Variants in ACSM3 observed in about 807,000 individuals in gnomAD.
The protein encoded by ACSM3 is acyl-coenzyme A synthetase ACSM3, mitochondrial.
Under a neutral mutation model 74.1 loss-of-function variants are expected in ACSM3, and 61 were observed. That is an observed-to-expected ratio of 0.82 (90% confidence interval 0.67 to 1.02). The LOEUF (loss-of-function observed/expected upper bound fraction) is 1.02, where lower values mean the gene tolerates loss of function less well. ACSM3 is among the 50% of genes least tolerant of loss of function. The pLI is 0.00. For missense variants in ACSM3, 660 were observed against 697.0 expected, an observed-to-expected ratio of 0.95 and a Z score of 0.60; for synonymous variants, 213 against 241.5, an observed-to-expected ratio of 0.88 and a Z score of 1.09.
In ACSM3 at chr16:20,785,066, A is replaced by G; in HGVS notation, c.1102A>G (p.Thr368Ala). ...PDVTEKWRNK[T>A]GLDIYEGYGQ... ...CGTGACTGAAAAATGGAGAAACAAG[A>G]CGGGCCTGGATATCTACGAAGGATA... The change falls in exon 8 of 14, where the codon ACG becomes GCG. Residue 368 changes from threonine to alanine, a missense_variant. Thr to Ala is a moderately conservative substitution (Grantham distance 58, BLOSUM62 0). Transcript: ENST00000289416. The G allele has an allele frequency of 1.9e-6, 3 of 1,613,690 alleles. No individual in the cohort carries two copies. In the South Asian group the frequency reaches 3.3e-5, roughly 18 times the overall value.
chr16:20,738,082 A>C (rs1023686087), intron 1 of ACSM3: 3 of 877,336 alleles, frequency 3.4e-6, no homozygotes, highest in Non-Finnish European at 3.6e-6. Flanking sequence ...TTTTAAATGA[A>C]TCTACCTAGT....
chr16:20,675,125 G>T (rs1032980152), intron 1 of ACSM3, among the ~76,000 whole-genome samples: 3 of 152,156 alleles, frequency 2.0e-5, no homozygotes, highest in African/African-American at 7.2e-5. Flanking sequence ...CACCAGAGAG[G>T]TTCGTTTCCT....
chr16:20,756,775 G>A (rs1446728561), intron 3 of ACSM3, among the ~76,000 whole-genome samples: 4 of 152,154 alleles, frequency 2.6e-5, no homozygotes, highest in East Asian at 1.9e-4. Flanking sequence ...TAGGTCTAAC[G>A]TTTAAGTCTT....
In ACSM3 at chr16:20,781,083, G is replaced by A. The variant is rs2080343051; in HGVS notation, c.892G>A (p.Val298Ile). The change falls in exon 6 of 14, where the codon GTA (valine) becomes ATA (isoleucine). Residue 298 changes from valine (V) to isoleucine (I), a missense_variant. Transcript: ENST00000289416. ...TTCTCCGTGGATCCAGGGAGCATGT[G>A]TATTCACACACCATTTACCCCGTTT... The part of the protein sequence containing the change: ...VFSPWIQGAC[V>I]FTHHLPRFEP... 2 of 1,614,120 alleles carry A rather than the reference G, an allele frequency of 1.2e-6. No individual in the cohort carries two copies. The highest frequency in any genetic ancestry group is 1.7e-6 in the Non-Finnish European group (2 of 1,180,018).
Position 20,790,435 on chromosome 16 carries a change from TGACAAAGTGAGACC to T in ACSM3, c.1225-151_1225-138del. On this transcript the variant is annotated intron_variant, in intron 9 of 13. Coordinates refer to ENST00000289416, the MANE Select transcript of ACSM3 (RefSeq NM_005622.4). The surrounding 1 kb of genome is among the most constrained non-coding windows in gnomAD (Gnocchi z 4.0). ...TTGCACCACTGCACTCCAGCCTGGG[TGACAAAGTGAGACC>T]TTGTCTCACACACACAAAATTTTTT... 1.4e-6 allele frequency: 1 copy of T among 692,290 alleles called. No homozygotes were observed. Among genetic ancestry groups the T allele is most frequent in the Non-Finnish European group, 2.5e-6 (1 of 405,180 alleles). The allele number at this position is 692,290 out of a possible 1,614,324, so 42.9% of individuals were successfully genotyped here. A position where few individuals can be genotyped will look rare whatever the true frequency, so the allele number is the denominator to read the frequency against.
At chr16:20,694,109 C>T (rs1228277733) in intron 1 of ACSM3, among the ~76,000 whole-genome samples, 1 of 152,238 alleles carries the variant, frequency 6.6e-6, no homozygotes, top group Non-Finnish European at 1.5e-5. Flanking sequence ...GTGTTTTAAT[C>T]TTTCTCAGCA....
In ACSM3 at chr16:20,780,870, A is replaced by G. The variant is rs1430101187; in HGVS notation, c.782+13A>G. 1.9e-6 allele frequency: 3 copies of G among 1,613,970 alleles called. No homozygotes were observed. Among genetic ancestry groups the G allele is most frequent in the Non-Finnish European group, 2.5e-6 (3 of 1,179,926 alleles). Reference sequence around the variant, plus strand: ...CTGTAAATGGAAGGTATACTTTCACAAAAGTGCAGCTTGAAGTGTCAAAAC... The same window carrying G: ...CTGTAAATGGAAGGTATACTTTCACGAAAGTGCAGCTTGAAGTGTCAAAAC... On this transcript the variant is annotated intron_variant, in intron 5 of 13. Coordinates refer to ENST00000289416, the MANE Select transcript of ACSM3 (RefSeq NM_005622.4).
chr16:20,715,582 T>G (rs1415870763), intron 1 of ACSM3, among the ~76,000 whole-genome samples: 2 of 151,810 alleles, frequency 1.3e-5, no homozygotes, highest in African/African-American at 4.8e-5. Flanking sequence ...CCAGCCTGGG[T>G]GACAGAGTGA....
chr16:20,759,790 G>C (rs898025822), upstream of ACSM3, among the ~76,000 whole-genome samples: 8 of 152,106 alleles, frequency 5.3e-5, no homozygotes, highest in African/African-American at 1.9e-4. Context: ...AATAGTTCTA[G>C]CAAATTAATT....
chr16:20,769,885 C>T, intron 1 of ACSM3, 99 bp from the exon 2 acceptor site: 1 of 667,904 alleles, frequency 1.5e-6, no homozygotes. Context: ...ATGGTACTAT[C>T]ATGATGATTA....
chr16:20,729,767 T>C (rs983959388), intron 1 of ACSM3, among the ~76,000 whole-genome samples: 3 of 148,364 alleles, frequency 2.0e-5, no homozygotes, highest in South Asian at 4.3e-4. Flanking sequence ...GAAACTCAAC[T>C]CAAACTGCCT....
At chr16:20,737,935 T>C (rs1053038264) in intron 1 of ACSM3, 16 of 1,599,014 alleles carry the variant, frequency 1.0e-5, no homozygotes, top group Middle Eastern at 1.7e-4. Flanking sequence ...CTGGAGAATA[T>C]GATGCACCAA....
chr16:20,732,551 T>C (rs760028226), intron 1 of ACSM3, among the ~76,000 whole-genome samples: 18 of 152,190 alleles, frequency 1.2e-4, no homozygotes, highest in Non-Finnish European at 1.9e-4. Flanking sequence ...GGTCCAGCTC[T>C]GCAAAGACAA....
chr16:20,777,542 C>T lies in ACSM3; in HGVS notation c.600C>T (p.Asn200=), dbSNP rs759310601. The T allele has an allele frequency of 6.2e-7, 1 of 1,614,072 alleles. No homozygotes were observed. The highest frequency in any genetic ancestry group is 1.1e-5 in the South Asian group (1 of 91,074). Residue 200 remains asparagine (N), a synonymous_variant, in exon 4 of 14, where the codon AAC becomes AAT. Coordinates refer to ENST00000289416, the MANE Select transcript of ACSM3 (RefSeq NM_005622.4). ...ACTCCAAGCTGATTGTATCAGAGAA[C>T]TCCAGAGAGGGGTGGGGGAACCTCA... ...NLHSKLIVSE[N]SREGWGNLKE...
intron 1 of ACSM3, chr16:20,729,383 G>C: frequency 7.8e-7 from 1 of 1,275,088 alleles, no homozygotes; most frequent in South Asian, 1.2e-5. Context: ...ACTCTTAAGA[G>C]GCAAGGATTG....
intron 3 of ACSM3, among the ~76,000 whole-genome samples, chr16:20,758,634 G>T (rs2152441160): frequency 6.6e-6 from 1 of 152,216 alleles, no homozygotes; most frequent in Admixed American, 6.5e-5. Context: ...ATTTCCTTCA[G>T]TTCTGCTCGA....
intron 12 of ACSM3, among the ~76,000 whole-genome samples, chr16:20,794,308 G>C (rs2080671504): frequency 6.6e-6 from 1 of 152,140 alleles, no homozygotes; most frequent in African/African-American, 2.4e-5. Context: ...TAGATCACTA[G>C]GTTCTTAAAT....
rs181807961 is a variant in ACSM3, at chr16:20,679,914, C to T, written c.-190+5092C>T. On this transcript the variant is annotated intron_variant, in intron 1 of 3. Coordinates refer to the ACSM3 transcript ENST00000561584. Reference sequence around the variant, plus strand: ...AGAAGCCCCTCCCTCCTGTAAAGGGCCTATTTCCTTGTACTTTGATGCCTG... The same window carrying T: ...AGAAGCCCCTCCCTCCTGTAAAGGGTCTATTTCCTTGTACTTTGATGCCTG... The T allele has an allele frequency of 1.6e-4, 25 of 152,260 alleles. No individual in the cohort carries two copies. The East Asian group carries it at 4.4e-3, about 27-fold the overall frequency. 9.4% of individuals were successfully genotyped at this position (152,260 alleles called of 1,614,324 possible).
intron 1 of ACSM3, among the ~76,000 whole-genome samples, chr16:20,747,446 C>T (rs1285315874): frequency 6.6e-6 from 1 of 152,216 alleles, no homozygotes; most frequent in Non-Finnish European, 1.5e-5. Context: ...CACCATCAAA[C>T]TGGCCAACCC....
Sources: gnomAD v4.1 joint callset for allele counts (sites outside exome capture counted in the v4.1 genomes callset) on GRCh38, gnomAD v4.1.1 for gene constraint, Gnocchi (gnomAD v3.1) non-coding constraint, MANE v1.5 for transcripts, NCBI Gene and HGNC (gene_info 2026-07-23, HGNC 2026-07-21) for gene names.